Variants in SDK1 observed in about 807,000 individuals in gnomAD.
The protein encoded by SDK1 is protein sidekick-1.
A neutral mutation model predicts 245.5 loss-of-function variants in SDK1; 157 were observed. That is an observed-to-expected ratio of 0.64 (90% confidence interval 0.56 to 0.73). SDK1 has a LOEUF of 0.73. SDK1 is among the 30% of genes least tolerant of loss of function. SDK1 has a pLI of 0.00. For synonymous variants in SDK1, 1,647 were observed against 1,278.5 expected, an observed-to-expected ratio of 1.29 and a Z score of -6.15; for missense variants, 3,583 against 3,002.3, an observed-to-expected ratio of 1.19 and a Z score of -4.52.
intron 30 of SDK1, among the ~76,000 whole-genome samples, chr7:4,157,401 GGAGGAA>G: frequency 3.7e-5 from 3 of 80,020 alleles, no homozygotes; most frequent in African/African-American, 2.2e-4. Context: ...GGGGAGGGAG[GGAGGAA>G]TGAAGAAAAG....
chr7:3,601,990 C>T (rs1298687348), intron 1 of SDK1, among the ~76,000 whole-genome samples: 1 of 151,966 alleles, frequency 6.6e-6, no homozygotes, highest in Non-Finnish European at 1.5e-5. Context: ...ATCCATGTCT[C>T]TACAAAGGAC....
At chr7:3,772,756 T>C (rs1780439388) in intron 4 of SDK1, among the ~76,000 whole-genome samples, 1 of 152,210 alleles carries the variant, frequency 6.6e-6, no homozygotes, top group South Asian at 2.1e-4. Flanking sequence ...TGCAGAGCAG[T>C]CTACAGGTAA....
At chr7:4,063,855 A>T (rs77325588) in intron 19 of SDK1, among the ~76,000 whole-genome samples, 2,139 of 152,292 alleles carry the variant, frequency 0.014, 47 homozygotes, top group African/African-American at 0.05. Context: ...TAAAGGTGGC[A>T]GGATACCTTC....
Position 3,484,623 on chromosome 7 carries a change from G to A in SDK1, c.299-134457G>A, listed in dbSNP as rs573629643. On this transcript the variant is annotated intron_variant, in intron 1 of 44. Transcript: ENST00000404826. ...GAACTTATTCCTTTCCTCTAACTGT[G>A]GTTTTGTATCCATAACCAACCTCGC... is the stretch of plus-strand genomic sequence containing the variant. Among the ~76,000 whole-genome samples the A allele has an allele frequency of 6.6e-5, 10 of 152,208 alleles. No homozygotes were observed. In the South Asian group the frequency reaches 2.1e-3, roughly 32 times the overall value.
intron 19 of SDK1, among the ~76,000 whole-genome samples, chr7:4,060,547 T>C (rs921678955): frequency 6.6e-6 from 1 of 152,096 alleles, no homozygotes; most frequent in Non-Finnish European, 1.5e-5. Flanking sequence ...ATTAGCCCTT[T>C]GTCAGATGAG....
chr7:3,349,588 C>G (rs1176439249), intron 1 of SDK1, among the ~76,000 whole-genome samples: 1 of 152,052 alleles, frequency 6.6e-6, no homozygotes, highest in Non-Finnish European at 1.5e-5. Flanking sequence ...CCTTTTTGGG[C>G]CAGAGTACAT....
intron 22 of SDK1, among the ~76,000 whole-genome samples, chr7:4,106,084 C>G (rs67550475): frequency 0.074 from 11,199 of 152,160 alleles, 455 homozygotes; most frequent in African/African-American, 0.11. Context: ...CCACCCTTTT[C>G]CCAATCCATT....
intron 4 of SDK1, among the ~76,000 whole-genome samples, chr7:3,787,146 TCACACACACACACACACACACACA>T: frequency 7.3e-6 from 1 of 137,746 alleles, no homozygotes; most frequent in African/African-American, 2.7e-5. Flanking sequence ...AGTATTGAAA[TCACACACACACACACACACACACA>T]CACACACACA....
At chr7:3,970,694 A>G (rs1299240879) in intron 11 of SDK1, among the ~76,000 whole-genome samples, 2 of 152,254 alleles carry the variant, frequency 1.3e-5, no homozygotes, top group African/African-American at 2.4e-5. Flanking sequence ...GTGGCTTTAC[A>G]GAACATTTTC....
intron 5 of SDK1, among the ~76,000 whole-genome samples, chr7:3,865,287 G>C (rs547940867): frequency 3.9e-5 from 6 of 152,300 alleles, no homozygotes; most frequent in African/African-American, 1.4e-4. Context: ...GAATGGGTTG[G>C]CCTAAAGGGT....
chr7:4,112,779 G>C (rs2128191198), intron 23 of SDK1, among the ~76,000 whole-genome samples: 1 of 150,978 alleles, frequency 6.6e-6, no homozygotes, highest in Non-Finnish European at 1.5e-5. Context: ...TTCTGAGGCA[G>C]AGTCTCGCTC....
intron 4 of SDK1, among the ~76,000 whole-genome samples, chr7:3,813,288 A>T (rs1231140769): frequency 3.1e-5 from 4 of 130,294 alleles, no homozygotes; most frequent in East Asian, 4.9e-4. Context: ...CAGTCCCCAG[A>T]GTGTGATATT....
intron 22 of SDK1, among the ~76,000 whole-genome samples, chr7:4,085,480 G>A (rs35944316): frequency 0.37 from 56,759 of 151,988 alleles, 14,701 homozygotes; most frequent in African/African-American, 0.74. Context: ...ATTTAAGTGC[G>A]TTCATTTCAG....
intron 42 of SDK1, 63 bp from the exon 43 acceptor site, chr7:4,241,730 T>C: frequency 1.2e-6 from 2 of 1,604,164 alleles, no homozygotes. Context: ...CAGCTCTGGC[T>C]TGGCGTGGCT....
intron 17 of SDK1, among the ~76,000 whole-genome samples, chr7:4,038,981 C>T (rs569192071): frequency 2.0e-5 from 3 of 152,150 alleles, no homozygotes; most frequent in East Asian, 3.9e-4. Context: ...ATTATAATTT[C>T]CTGAGTAGCA....
intron 5 of SDK1, among the ~76,000 whole-genome samples, chr7:3,910,441 G>C (rs1779124441): frequency 6.6e-6 from 1 of 152,110 alleles, no homozygotes; most frequent in African/African-American, 2.4e-5. Context: ...CCAGATTTCT[G>C]TGTGTGTATG....
intron 28 of SDK1, among the ~76,000 whole-genome samples, chr7:4,133,324 T>A (rs139777305): frequency 6.6e-6 from 1 of 152,338 alleles, no homozygotes; most frequent in East Asian, 1.9e-4. Flanking sequence ...TCATTCACCC[T>A]TTCACAGAGA....
intron 17 of SDK1, 52 bp downstream of exon 17, chr7:4,017,404 G>C: frequency 6.6e-7 from 1 of 1,520,474 alleles, no homozygotes. Flanking sequence ...CGGGGAATGG[G>C]ATTTGCAAGG....
chr7:3,404,500 G>A (rs200736309), intron 1 of SDK1, among the ~76,000 whole-genome samples: 2 of 152,298 alleles, frequency 1.3e-5, no homozygotes, highest in East Asian at 3.9e-4. Flanking sequence ...GACTTCTTTT[G>A]TCATCTAAAC....
Sources: gnomAD v4.1 joint callset for allele counts (sites outside exome capture counted in the v4.1 genomes callset) on GRCh38, gnomAD v4.1.1 for gene constraint, MANE v1.5 for transcripts, NCBI Gene and HGNC (gene_info 2026-07-23, HGNC 2026-07-21) for gene names.